GAL3ST2: variants seen among roughly 807,000 people sequenced by gnomAD.
GAL3ST2 encodes beta-galactose-3-O-sulfotransferase 2.
A neutral mutation model predicts 12.9 loss-of-function variants in GAL3ST2; 16 were observed. The ratio of observed to expected loss-of-function variants is 1.24; its 90% confidence interval spans 0.84 to 1.88. The LOEUF (loss-of-function observed/expected upper bound fraction) is 1.88. GAL3ST2 is among the 40% of genes most tolerant of loss of function. GAL3ST2 has a pLI of 0.00. For missense variants in GAL3ST2, 639 were observed against 571.8 expected (o/e 1.12, Z -1.20); for synonymous variants, 302 against 273.9 (o/e 1.10, Z -1.01).
rs763485218 is a variant in GAL3ST2, at chr2:241,799,169, C to A, written c.119+15C>A. 3 of 1,610,208 alleles carry A rather than the reference C, an allele frequency of 1.9e-6. No homozygotes were observed. Among genetic ancestry groups the A allele is most frequent in the Admixed American group, 3.3e-5 (2 of 60,012 alleles). On this transcript the variant is annotated intron_variant, in intron 2 of 3. Transcript: ENST00000192314. Reference sequence around the variant, plus strand: ...CTGGACACACCGTAAGTCCTGCCCCCACCATAAGTCCTGCCCCGGGTACCT... The same window carrying A: ...CTGGACACACCGTAAGTCCTGCCCCAACCATAAGTCCTGCCCCGGGTACCT...
Position 241,784,127 on chromosome 2 carries a change from G to A in GAL3ST2, c.29+7143G>A, listed in dbSNP as rs530824234. 3.9e-4 allele frequency among the ~76,000 whole-genome samples: 59 copies of A among 150,570 alleles called. 1 individual carries two copies. The highest frequency in any genetic ancestry group is 1.2e-3 in the African/African-American group (51 of 40,920). ...CAGCTCACTGCAACCTCCGTCTCCCGGGTTCATGCCATTCTCCAGCCTCAG... is the reference window on the plus strand; with the variant it reads ...CAGCTCACTGCAACCTCCGTCTCCCAGGTTCATGCCATTCTCCAGCCTCAG... On this transcript the variant is annotated intron_variant, in intron 1 of 3. Coordinates refer to ENST00000192314, the MANE Select transcript of GAL3ST2 (RefSeq NM_022134.3).
chr2:241,777,401 C>T (rs548908784), intron 1 of GAL3ST2, among the ~76,000 whole-genome samples: 33 of 152,078 alleles, frequency 2.2e-4, no homozygotes, highest in Non-Finnish European at 4.1e-4. Context: ...GTCATGCGTG[C>T]GCTTCAGGAT....
chr2:241,803,507 G>A lies in GAL3ST2; in HGVS notation c.538G>A (p.Asp180Asn), dbSNP rs1559419579. 1.2e-6 allele frequency: 2 copies of A among 1,611,252 alleles called. No individual in the cohort carries two copies. The highest frequency in any genetic ancestry group is 2.2e-5 in the East Asian group (1 of 44,836). Reference protein sequence around the residue: ...FLASPRTFYNDSRHLRNVYAK... With the variant: ...FLASPRTFYNNSRHLRNVYAK... Reference sequence around the variant, plus strand: ...GGCCTCGCCGCGGACGTTCTACAACGACAGCCGCCACCTCAGGAACGTCTA... The same window carrying A: ...GGCCTCGCCGCGGACGTTCTACAACAACAGCCGCCACCTCAGGAACGTCTA... Residue 180 changes from aspartate (D) to asparagine (N), a missense_variant, in exon 4 of 4, where the codon GAC becomes AAC. Asp to Asn is a conservative substitution (Grantham distance 23). Transcript: ENST00000192314.
At chr2:241,786,096 T>G (rs1699623891) in intron 1 of GAL3ST2, among the ~76,000 whole-genome samples, 1 of 152,004 alleles carries the variant, frequency 6.6e-6, no homozygotes, top group Non-Finnish European at 1.5e-5. Flanking sequence ...TTTCCTCTTT[T>G]TTTTTCTTTT....
At chr2:241,786,634 A>C (rs1165089067) in intron 1 of GAL3ST2, among the ~76,000 whole-genome samples, 1 of 152,132 alleles carries the variant, frequency 6.6e-6, no homozygotes, top group Non-Finnish European at 1.5e-5. Context: ...GGAGTTGTAC[A>C]GCAAAATAAA....
At position 241,801,896 on chromosome 2, in the gene GAL3ST2, A is replaced by G; in HGVS notation, c.235A>G (p.Asn79Asp). 2.5e-6 allele frequency: 4 copies of G among 1,612,922 alleles called. No individual in the cohort carries two copies. The East Asian group carries it at 6.7e-5, about 27-fold the overall frequency. The change falls in exon 3 of 4, where the codon AAC (asparagine) becomes GAC (aspartate). Residue 79 changes from asparagine to aspartate, a missense_variant. Coordinates refer to ENST00000192314, the MANE Select transcript of GAL3ST2 (RefSeq NM_022134.3). The surrounding 1 kb of genome is among the most constrained non-coding windows in gnomAD (Gnocchi z 4.4). ...NILYRFAETH[N>D]LSVALPAGSR... ...CCTCTACCGCTTCGCCGAGACCCAC[A>G]ACCTGTCCGTGGCGCTGCCCGCCGG...
chr2:241,797,321 T>C (rs570149759), intron 1 of GAL3ST2, among the ~76,000 whole-genome samples: 1 of 152,350 alleles, frequency 6.6e-6, no homozygotes, highest in South Asian at 2.1e-4. Context: ...TTCTGATCCA[T>C]GGAGCAGATC....
At position 241,802,873 on chromosome 2, in the gene GAL3ST2, T is replaced by C. The variant is rs1351897991; in HGVS notation, c.376-472T>C. Among the ~76,000 whole-genome samples, 1 of 152,072 alleles carries C rather than the reference T, an allele frequency of 6.6e-6. No individual in the cohort carries two copies. The highest frequency in any genetic ancestry group is 6.5e-5 in the Admixed American group (1 of 15,280). On this transcript the variant is annotated intron_variant, in intron 3 of 3. Transcript: ENST00000192314. This position sits in a 1 kb window ranked among gnomAD's most constrained non-coding sequence, Gnocchi z 4.8. ...TGTGGGGAACCTGGGTCACGGACCT[T>C]CTCTGGGCCTCAGTTTCTTTGTCTG...
In GAL3ST2 at chr2:241,803,979, C is replaced by T. The variant is rs570896928; in HGVS notation, c.1010C>T (p.Pro337Leu). The T allele has an allele frequency of 1.3e-6, 2 of 1,544,406 alleles. No homozygotes were observed. Among genetic ancestry groups the T allele is most frequent in the Non-Finnish European group, 1.7e-6 (2 of 1,148,548 alleles). The change falls in exon 4 of 4, where the codon CCG (proline) becomes CTG (leucine). Residue 337 changes from proline to leucine, a missense_variant. Pro to Leu is a moderately conservative substitution (Grantham distance 98). Transcript: ENST00000192314. ...ALKNHTQIRDPRLRPYQSGKA... is the reference protein window; with the variant it reads ...ALKNHTQIRDLRLRPYQSGKA... ...AAGAACCACACGCAGATCAGAGACC[C>T]GCGCCTGCGCCCCTACCAGTCCGGC...
chr2:241,802,303 T>C lies in GAL3ST2; in HGVS notation c.375+267T>C, dbSNP rs114540979. Reference sequence around the variant, plus strand: ...GGCGTCCCCAGCGCTCCCCCGCTTCTCTGGCCTCCTAGTTGTGCACAGGCC... The same window carrying C: ...GGCGTCCCCAGCGCTCCCCCGCTTCCCTGGCCTCCTAGTTGTGCACAGGCC... On this transcript the variant is annotated intron_variant, in intron 3 of 3. Transcript: ENST00000192314. This position sits in a 1 kb window ranked among gnomAD's most constrained non-coding sequence, Gnocchi z 4.8. Among the ~76,000 whole-genome samples, 327 of 152,320 alleles carry C rather than the reference T, an allele frequency of 2.1e-3. No individual in the cohort carries two copies. Among genetic ancestry groups the C allele is most frequent in the African/African-American group, 7.6e-3 (317 of 41,572 alleles).
chr2:241,803,649 C>T lies in GAL3ST2; in HGVS notation c.680C>T (p.Ala227Val). 4 of 1,550,758 alleles carry T rather than the reference C, an allele frequency of 2.6e-6. No individual in the cohort carries two copies. Among genetic ancestry groups the T allele is most frequent in the East Asian group, 2.4e-5 (1 of 40,972 alleles). ...VERRFRLVLIAEHLDESLVLL... is the reference protein window; with the variant it reads ...VERRFRLVLIVEHLDESLVLL... ...CGGCGCTTCCGGCTGGTGCTCATCG[C>T]CGAGCACCTGGACGAGTCCCTGGTG... is the stretch of plus-strand genomic sequence containing the variant. The change falls in exon 4 of 4, where the codon GCC (alanine) becomes GTC (valine). Residue 227 changes from alanine (A) to valine (V), a missense_variant. Ala to Val is a moderately conservative substitution (Grantham distance 64). Transcript: ENST00000192314.
chr2:241,782,469 G>C (rs1185653307), intron 1 of GAL3ST2, among the ~76,000 whole-genome samples: 1 of 152,090 alleles, frequency 6.6e-6, no homozygotes, highest in East Asian at 1.9e-4. Flanking sequence ...GGGATTACAG[G>C]CACTCACCAC....
At chr2:241,784,119 C>T (rs528282116) in intron 1 of GAL3ST2, among the ~76,000 whole-genome samples, 31 of 151,898 alleles carry the variant, frequency 2.0e-4, no homozygotes, top group East Asian at 7.7e-4. Context: ...CTGCAACCTC[C>T]GTCTCCCGGG....
intron 1 of GAL3ST2, among the ~76,000 whole-genome samples, chr2:241,787,245 CAT>C (rs964876369): frequency 1.5e-4 from 23 of 152,322 alleles, no homozygotes; most frequent in African/African-American, 4.8e-4. Context: ...ACCTTGGACA[CAT>C]GTGGTCAGGA....
chr2:241,783,145 A>C (rs1699586147), intron 1 of GAL3ST2, among the ~76,000 whole-genome samples: 1 of 152,036 alleles, frequency 6.6e-6, no homozygotes, highest in African/African-American at 2.4e-5. Context: ...TCTCCAAAAA[A>C]AAAAACCCAC....
rs1452680333 is a variant in GAL3ST2 at position 241,793,536 on chromosome 2, T to C, written c.30-5529T>C. 1.1e-5 allele frequency among the ~76,000 whole-genome samples: 1 copy of C among 88,014 alleles called. No individual in the cohort carries two copies. The highest frequency in any genetic ancestry group is 2.1e-5 in the Non-Finnish European group (1 of 46,710). 57.7% of individuals were successfully genotyped at this position (88,014 alleles called of 152,430 possible). On this transcript the variant is annotated intron_variant, in intron 1 of 3. Transcript: ENST00000192314. This position sits in a 1 kb window ranked among gnomAD's most constrained non-coding sequence, Gnocchi z 4.7. ...TATGTATGTGTGTATTGTGTTTATA[T>C]GTATGTGTGTATATGTATGTATGTG...
intron 2 of GAL3ST2, among the ~76,000 whole-genome samples, chr2:241,799,975 C>T (rs1405454731): frequency 6.6e-6 from 1 of 152,236 alleles, no homozygotes; most frequent in Non-Finnish European, 1.5e-5. Context: ...GGGGTCCTTC[C>T]TTTTCCTGGT....
Position 241,793,418 on chromosome 2 carries a change from G to A in GAL3ST2, c.30-5647G>A, listed in dbSNP as rs1699723681. ...TGTGTATATGTATGTATACATGTAC[G>A]TGTGTATATTGTGTACGTGTATGTA... On this transcript the variant is annotated intron_variant, in intron 1 of 3. Coordinates refer to ENST00000192314, the MANE Select transcript of GAL3ST2 (RefSeq NM_022134.3). This position sits in a 1 kb window ranked among gnomAD's most constrained non-coding sequence, Gnocchi z 4.7. 6.6e-6 allele frequency among the ~76,000 whole-genome samples: 1 copy of A among 151,878 alleles called. No individual in the cohort carries two copies. Among genetic ancestry groups the A allele is most frequent in the African/African-American group, 2.4e-5 (1 of 41,298 alleles).
Position 241,803,486 on chromosome 2 carries a change from T to A in GAL3ST2, c.517T>A (p.Ser173Thr), listed in dbSNP as rs756712247. Residue 173 changes from serine to threonine, a missense_variant, in exon 4 of 4, where the codon TCG becomes ACG. Ser to Thr is a moderately conservative substitution (Grantham distance 58, BLOSUM62 1). Transcript: ENST00000192314. Reference protein sequence around the residue: ...GAPSLDAFLASPRTFYNDSRH... With the variant: ...GAPSLDAFLATPRTFYNDSRH... ...CCCGAGCCTGGACGCGTTCCTGGCC[T>A]CGCCGCGGACGTTCTACAACGACAG... The A allele has an allele frequency of 6.2e-7, 1 of 1,611,664 alleles. No homozygotes were observed. The highest frequency in any genetic ancestry group is 1.7e-5 in the Admixed American group (1 of 59,838).
Sources: allele counts gnomAD v4.1 joint callset (sites outside exome capture counted in the v4.1 genomes callset), GRCh38; gene constraint gnomAD v4.1.1; non-coding constraint Gnocchi (gnomAD v3.1); transcripts MANE v1.5; gene names NCBI Gene and HGNC (gene_info 2026-07-23, HGNC 2026-07-21).